EYS: variants seen among roughly 807,000 people sequenced by gnomAD.
The protein encoded by EYS is protein eyes shut homolog.
Under a neutral mutation model 282.1 loss-of-function variants are expected in EYS, and 250 were observed. The ratio of observed to expected loss-of-function variants is 0.89; its 90% CI spans 0.80 to 0.98. The LOEUF (loss-of-function observed/expected upper bound fraction) is 0.98, where lower values mean the gene tolerates loss of function less well. Among genes scored for constraint, EYS ranks in the 50% least tolerant of loss-of-function variants. The probability of loss-of-function intolerance (pLI) is 0.00; values close to 1 mark genes in which losing one functional copy is unlikely to be tolerated. For synonymous variants in EYS, 1,355 were observed against 1,282.9 expected, an observed-to-expected ratio of 1.06 and a Z score of -1.20; for missense variants, 4,016 against 3,709.0, an observed-to-expected ratio of 1.08 and a Z score of -2.15.
chr6:65,435,574 G>C (rs1346510672), intron 5 of EYS, among the ~76,000 whole-genome samples: 3 of 151,848 alleles, frequency 2.0e-5, no homozygotes, highest in African/African-American at 7.3e-5. Context: ...ACTGGGTGAA[G>C]GGCCCATGGA....
chr6:64,799,227 G>A (rs538575183), intron 22 of EYS, among the ~76,000 whole-genome samples: 8 of 151,740 alleles, frequency 5.3e-5, no homozygotes, highest in African/African-American at 1.4e-4. Flanking sequence ...ATGGTTCCTT[G>A]TAATCCATCA....
chr6:65,290,687 C>T (rs1050488218), intron 12 of EYS, among the ~76,000 whole-genome samples: 1 of 151,342 alleles, frequency 6.6e-6, no homozygotes, highest in Non-Finnish European at 1.5e-5. Flanking sequence ...AACAAAACTT[C>T]TAATAAACGC....
chr6:64,780,818 G>A (rs1403873240), intron 22 of EYS, among the ~76,000 whole-genome samples: 1 of 151,932 alleles, frequency 6.6e-6, no homozygotes, highest in East Asian at 1.9e-4. Flanking sequence ...ATTCTATAGA[G>A]GAATTCACCA....
At chr6:65,104,012 T>C (rs1774966310) in intron 12 of EYS, among the ~76,000 whole-genome samples, 1 of 150,720 alleles carries the variant, frequency 6.6e-6, no homozygotes, top group Admixed American at 6.6e-5. Flanking sequence ...TTGTTGTTCA[T>C]GACTCTAAGT....
At chr6:64,455,108 C>T (rs1775509835) in intron 26 of EYS, among the ~76,000 whole-genome samples, 1 of 152,056 alleles carries the variant, frequency 6.6e-6, no homozygotes, top group Admixed American at 6.6e-5. Flanking sequence ...GACAGGATCT[C>T]GCTATGTTAC....
intron 22 of EYS, among the ~76,000 whole-genome samples, chr6:64,801,388 C>G (rs9345521): frequency 6.6e-6 from 1 of 151,830 alleles, no homozygotes; most frequent in Non-Finnish European, 1.5e-5. Context: ...CACAGAAAAA[C>G]TGTATTTTTA....
At chr6:65,245,721 C>A (rs1317220938) in intron 12 of EYS, among the ~76,000 whole-genome samples, 1 of 151,750 alleles carries the variant, frequency 6.6e-6, no homozygotes, top group East Asian at 1.9e-4. Context: ...GAGGTACTAG[C>A]AGGATGTTTA....
chr6:64,538,796 C>A (rs1292857750), intron 26 of EYS, among the ~76,000 whole-genome samples: 1 of 152,152 alleles, frequency 6.6e-6, no homozygotes, highest in Non-Finnish European at 1.5e-5. Context: ...GAGGCTTAGA[C>A]AACTTAAATT....
intron 12 of EYS, among the ~76,000 whole-genome samples, chr6:65,288,018 A>T (rs1407132951): frequency 6.6e-6 from 1 of 151,250 alleles, no homozygotes; most frequent in Non-Finnish European, 1.5e-5. Flanking sequence ...TTCATCAGAC[A>T]TTGTATAGAA....
intron 31 of EYS, among the ~76,000 whole-genome samples, chr6:64,169,146 C>A (rs1031058499): frequency 6.6e-6 from 1 of 152,120 alleles, no homozygotes; most frequent in Non-Finnish European, 1.5e-5. Flanking sequence ...TTTTTCCTGG[C>A]ACCTAGAACA....
intron 12 of EYS, among the ~76,000 whole-genome samples, chr6:65,231,137 A>ATATTTATATATATATACTTTTATATC (rs1254613154): frequency 1.4e-5 from 2 of 145,038 alleles, no homozygotes; most frequent in African/African-American, 5.0e-5. Context: ...ACTTTTATAT[A>ATATTTATATATATATACTTTTATATC]TATACTTTTA....
At chr6:64,795,178 T>G (rs1164497446) in intron 22 of EYS, among the ~76,000 whole-genome samples, 1 of 150,672 alleles carries the variant, frequency 6.6e-6, no homozygotes, top group East Asian at 2.0e-4. Context: ...GAGGTTGCAG[T>G]GAGCTGAGAT....
chr6:65,496,518 AC>A (rs200499162), intron 2 of EYS, among the ~76,000 whole-genome samples: 4,174 of 152,178 alleles, frequency 0.027, 128 homozygotes, highest in African/African-American at 0.075. Flanking sequence ...AGTGAAAAAA[AC>A]GTGTTCTTTG....
intron 12 of EYS, among the ~76,000 whole-genome samples, chr6:65,240,963 T>C (rs1431815049): frequency 1.3e-5 from 2 of 152,172 alleles, no homozygotes; most frequent in African/African-American, 2.4e-5. Context: ...TCCTCTGAAA[T>C]ATCTACTTGA....
chr6:65,201,781 T>C lies in EYS; in HGVS notation c.2023+94082A>G, dbSNP rs935457422. 2.6e-5 allele frequency among the ~76,000 whole-genome samples: 4 copies of C among 152,000 alleles called. No homozygotes were observed. In the East Asian group the frequency reaches 5.8e-4, roughly 22 times the overall value. ...GTCATTGCTTGTGGTCTGGAGGTCA[T>C]GAACATTGCTAAGCCACACAAAAAA... On this transcript the variant is annotated intron_variant, in intron 12 of 42. Transcript: ENST00000503581.
At chr6:64,191,485 C>CG (rs1554217136) in intron 31 of EYS, among the ~76,000 whole-genome samples, 1 of 147,442 alleles carries the variant, frequency 6.8e-6, no homozygotes, top group Non-Finnish European at 1.5e-5. Flanking sequence ...CTTCCCCCCC[C>CG]ACCCCAAAAC....
At chr6:64,568,198 C>A (rs542691791) in intron 26 of EYS, among the ~76,000 whole-genome samples, 8 of 152,104 alleles carry the variant, frequency 5.3e-5, no homozygotes, top group South Asian at 4.1e-4. Context: ...TTGGAAAAAA[C>A]CACCAGAAAA....
intron 28 of EYS, among the ~76,000 whole-genome samples, chr6:64,431,823 C>T (rs562201133): frequency 6.6e-6 from 1 of 152,184 alleles, no homozygotes; most frequent in Admixed American, 6.6e-5. Flanking sequence ...TTAAGGAACA[C>T]CCTTCTCCTA....
chr6:65,604,842 C>CCTT (rs35924341), intron 2 of EYS, among the ~76,000 whole-genome samples: 1 of 130,410 alleles, frequency 7.7e-6, no homozygotes, highest in Non-Finnish European at 1.6e-5. Context: ...TCACTGCCCC[C>CCTT]TTTTTTTTTT....
Sources: gnomAD v4.1 joint callset for allele counts (sites outside exome capture counted in the v4.1 genomes callset) on GRCh38, gnomAD v4.1.1 for gene constraint, MANE v1.5 for transcripts, NCBI Gene and HGNC (gene_info 2026-07-23, HGNC 2026-07-21) for gene names.